The following SLK variants were observed in gnomAD, a reference collection of about 807,000 sequenced individuals.
SLK encodes the protein STE20-like serine/threonine-protein kinase.
SLK carries 67 observed loss-of-function variants against 147.7 expected under a neutral mutation model. The ratio of observed to expected loss-of-function variants is 0.45; its 90% CI spans 0.37 to 0.56. The LOEUF (loss-of-function observed/expected upper bound fraction) is 0.56, where lower values mean the gene tolerates loss of function less well. Among genes scored for constraint, SLK ranks in the 20% least tolerant of loss-of-function variants. The pLI, the probability that SLK is intolerant of heterozygous loss-of-function variation, is 0.00. For missense variants in SLK, 1,136 were observed against 1,438.8 expected (o/e 0.79, Z 3.41); for synonymous variants, 441 against 475.0 (o/e 0.93, Z 0.93).
At chr10:103,973,065 T>G (rs1211832704) in intron 1 of SLK, among the ~76,000 whole-genome samples, 1 of 152,230 alleles carries the variant, frequency 6.6e-6, no homozygotes, top group Non-Finnish European at 1.5e-5. Context: ...CCTTTACAGT[T>G]GATGCTTTTT....
At chr10:104,007,441 A>G (rs1001332305) in intron 11 of SLK, among the ~76,000 whole-genome samples, 9 of 152,048 alleles carry the variant, frequency 5.9e-5, no homozygotes, top group African/African-American at 1.7e-4. Context: ...CCCCGTCTCT[A>G]CTAAAAATAC....
At position 104,005,566 on chromosome 10, in the gene SLK, A is replaced by C; in HGVS notation, c.2355A>C (p.Thr785=). ...TAAAATAAAATCTCACTCAGGAAAC[A>C]AGAAGACAAAAGAAAACATTGAAGA... ...KDSGSISLQE[T]RRQKKTLKKT... is the part of the protein sequence containing the mutation. The change falls in exon 10 of 19, where the codon ACA becomes ACC. Residue 785 remains threonine (T), a synonymous_variant. Coordinates refer to ENST00000369755, the MANE Select transcript of SLK (RefSeq NM_014720.4). 6.2e-7 allele frequency: 1 copy of C among 1,604,670 alleles called. No individual in the cohort carries two copies. Among genetic ancestry groups the C allele is most frequent in the Non-Finnish European group, 8.5e-7 (1 of 1,177,530 alleles).
chr10:104,025,759 G>C lies in SLK; in HGVS notation c.*39G>C. 1.3e-6 allele frequency: 2 copies of C among 1,588,934 alleles called. No homozygotes were observed. The highest frequency in any genetic ancestry group is 1.7e-6 in the Non-Finnish European group (2 of 1,159,466). Reference sequence around the variant, plus strand: ...TCTGTGCGTGGGTTTGGCTCTTTCAGTATGTCATTCTGTTCTCATCTTCTG... The same window carrying C: ...TCTGTGCGTGGGTTTGGCTCTTTCACTATGTCATTCTGTTCTCATCTTCTG... On this transcript the variant is annotated 3_prime_UTR_variant, in exon 19 of 19. Transcript: ENST00000369755.
chr10:104,016,560 T>C (rs566745704), intron 13 of SLK, among the ~76,000 whole-genome samples: 2 of 152,324 alleles, frequency 1.3e-5, no homozygotes, highest in South Asian at 4.1e-4. Context: ...CAGGTGACTG[T>C]AGCCAAGTTG....
In SLK at chr10:103,967,241, T is replaced by G. The variant is rs1454277140; in HGVS notation, c.-505T>G. The G allele has an allele frequency of 1.3e-5, 2 of 150,948 alleles. No individual in the cohort carries two copies. The highest frequency in any genetic ancestry group is 4.9e-5 in the African/African-American group (2 of 41,070). The allele number at this position is 150,948 out of a possible 1,614,324, so 9.4% of individuals were successfully genotyped here. On this transcript the variant is annotated 5_prime_UTR_variant, in exon 1 of 19. Transcript: ENST00000369755. The stretch of plus-strand genomic sequence containing the variant: ...CAGACCCGAGGGGACGCGCGGGCCT[T>G]GCGCCGCGGGAGCGGACGGCGGCGG...
rs1014570776 is a variant in SLK at position 103,967,171 on chromosome 10, G to A, written c.-575G>A. ...GGCGTCGGCGCGCGCTCCAGGCCGA[G>A]GCTGTGTGGGCTGGGGAGGGAGACA... is the stretch of plus-strand genomic sequence containing the variant. On this transcript the variant is annotated 5_prime_UTR_variant, in exon 1 of 19. Coordinates refer to ENST00000369755, the MANE Select transcript of SLK (RefSeq NM_014720.4). The A allele has an allele frequency of 2.9e-4, 44 of 151,316 alleles. No individual in the cohort carries two copies. Among genetic ancestry groups the A allele is most frequent in the Non-Finnish European group, 5.6e-4 (38 of 67,850 alleles). The allele number at this position is 151,316 out of a possible 1,614,324, so 9.4% of individuals were successfully genotyped here.
In SLK at chr10:103,992,141, GTTTT is replaced by G. The variant is rs56381345; in HGVS notation, c.316-442_316-439del. ...TGAAGCTTTTGTGGGTATTTCTTCT[GTTTT>G]TTTTTTTTTTTTTTCTAAAAGAAGT... On this transcript the variant is annotated intron_variant, in intron 2 of 18. Transcript: ENST00000369755. Among the ~76,000 whole-genome samples, 54 of 91,798 alleles carry G rather than the reference GTTTT, an allele frequency of 5.9e-4. 1 individual carries two copies. Among genetic ancestry groups the G allele is most frequent in the South Asian group, 2.4e-3 (6 of 2,520 alleles). The allele number at this position is 91,798 out of a possible 152,430, so 60.2% of individuals were successfully genotyped here. A position where few individuals can be genotyped will look rare whatever the true frequency, so the allele number is the denominator to read the frequency against.
intron 8 of SLK, 148 bp downstream of exon 8, chr10:104,001,720 AT>A: frequency 1.2e-6 from 1 of 834,178 alleles, no homozygotes; most frequent in Non-Finnish European, 1.9e-6. Flanking sequence ...GTCGCTGCAC[AT>A]TTTTGTTATA....
chr10:103,972,717 A>C (rs970134156), intron 1 of SLK, among the ~76,000 whole-genome samples: 3 of 152,070 alleles, frequency 2.0e-5, no homozygotes, highest in Non-Finnish European at 4.4e-5. Flanking sequence ...GCTAACATTT[A>C]ATATTGTCAG....
At chr10:103,992,159 T>TTTTTTTTTTTTC (rs1554842829) in intron 2 of SLK, among the ~76,000 whole-genome samples, 4 of 139,022 alleles carry the variant, frequency 2.9e-5, no homozygotes, top group Non-Finnish European at 4.8e-5. Context: ...TTTTTTTTTT[T>TTTTTTTTTTTTC]CTAAAAGAAG....
intron 4 of SLK, among the ~76,000 whole-genome samples, chr10:103,993,705 T>TA (rs1844129534): frequency 6.6e-6 from 1 of 152,166 alleles, no homozygotes; most frequent in South Asian, 2.1e-4. Context: ...ATGTAGGTCT[T>TA]ATGAAAGTTA....
Position 104,002,383 on chromosome 10 carries a change from C to G in SLK, c.1205C>G (p.Thr402Ser), listed in dbSNP as rs1844261362. The G allele has an allele frequency of 2.5e-6, 4 of 1,613,582 alleles. No homozygotes were observed. Among genetic ancestry groups the G allele is most frequent in the Non-Finnish European group, 3.4e-6 (4 of 1,179,810 alleles). ...GTGGAGGATATTAATGAACATATTA[C>G]CGATGCTCAGTTAGAAGCAATGACT... ...KAVEDINEHI[T>S]DAQLEAMTEL... The change falls in exon 9 of 19, where the codon ACC (threonine) becomes AGC (serine). Residue 402 changes from threonine to serine, a missense_variant. Coordinates refer to ENST00000369755, the MANE Select transcript of SLK (RefSeq NM_014720.4).
intron 2 of SLK, among the ~76,000 whole-genome samples, chr10:103,992,139 C>CGGTTTTTTTTT (rs1844102086): frequency 5.5e-5 from 1 of 18,206 alleles, no homozygotes; most frequent in South Asian, 1.8e-3. Flanking sequence ...GGTATTTCTT[C>CGGTTTTTTTTT]TGTTTTTTTT....
At chr10:104,022,749 A>C (rs1844552044) in intron 18 of SLK, among the ~76,000 whole-genome samples, 1 of 152,174 alleles carries the variant, frequency 6.6e-6, no homozygotes, top group South Asian at 2.1e-4. Context: ...CTGGGATTAC[A>C]GGCATCCACC....
rs1255113661 is a variant in SLK at position 103,967,864 on chromosome 10, T to C, written c.119T>C (p.Leu40Pro). ...GACTTTTGGGAGATTATAGGAGAAC[T>C]GGGCGACGGAGCCTTTGGGAAAGTG... ...PEDFWEIIGE[L>P]GDGAFGKVYK... The change falls in exon 1 of 19, where the codon CTG becomes CCG. Residue 40 changes from leucine to proline, a missense_variant. Leu to Pro is a moderately conservative substitution (Grantham distance 98). Around this residue, in one of 6 missense-constraint regions of SLK, gnomAD observed 126 missense variants for 141.3 expected, o/e 0.89. Coordinates refer to ENST00000369755, the MANE Select transcript of SLK (RefSeq NM_014720.4). The C allele has an allele frequency of 1.2e-6, 2 of 1,612,596 alleles. No homozygotes were observed. Among genetic ancestry groups the C allele is most frequent in the African/African-American group, 2.7e-5 (2 of 74,692 alleles).
intron 1 of SLK, among the ~76,000 whole-genome samples, chr10:103,976,585 A>T (rs995925990): frequency 7.3e-5 from 10 of 137,438 alleles, no homozygotes; most frequent in African/African-American, 2.2e-4. Context: ...TTGCCCAATT[A>T]AAAAAAAAAA....
intron 1 of SLK, among the ~76,000 whole-genome samples, chr10:103,973,797 CAT>C (rs1489250956): frequency 6.6e-6 from 1 of 152,144 alleles, no homozygotes; most frequent in Non-Finnish European, 1.5e-5. Context: ...CCATGGAAAA[CAT>C]ATTTTTTAAG....
chr10:103,974,915 C>CGAG (rs1188110484), intron 1 of SLK: 1 of 145,296 alleles, frequency 6.9e-6, no homozygotes, highest in Non-Finnish European at 1.5e-5. Flanking sequence ...ATGATCCACC[C>CGAG]GCCTCGGCCT....
intron 13 of SLK, 117 bp from the exon 14 acceptor site, chr10:104,018,043 T>C (rs1324838058): frequency 2.7e-6 from 2 of 752,234 alleles, no homozygotes; most frequent in Non-Finnish European, 4.2e-6. Context: ...AAAATCCAGC[T>C]AACTTTGCAA....
Sources: allele counts gnomAD v4.1 joint callset (sites outside exome capture counted in the v4.1 genomes callset), GRCh38; gene constraint gnomAD v4.1.1; regional missense constraint gnomAD v4.1.1; transcripts MANE v1.5; gene names NCBI Gene and HGNC (gene_info 2026-07-23, HGNC 2026-07-21).